Variants in TP63 observed in about 807,000 individuals in gnomAD.
The protein encoded by TP63 is tumor protein p63.
A neutral mutation model predicts 82.8 loss-of-function variants in TP63; 17 were observed. The ratio of observed to expected loss-of-function variants is 0.21; its 90% CI spans 0.14 to 0.31. TP63 has a LOEUF of 0.31. Among genes scored for constraint, TP63 ranks in the 10% least tolerant of loss-of-function variants. TP63 has a pLI of 1.00. For missense variants in TP63, 648 were observed against 895.3 expected (o/e 0.72, Z 3.52); for synonymous variants, 330 against 321.7 (o/e 1.03, Z -0.28).
chr3:189,815,879 A>C (rs1728130839), intron 4 of TP63, among the ~76,000 whole-genome samples: 1 of 152,194 alleles, frequency 6.6e-6, no homozygotes, highest in South Asian at 2.1e-4. Context: ...CATTTAACTA[A>C]GCAATACATT....
chr3:189,769,696 T>A (rs1723194759), intron 3 of TP63, among the ~76,000 whole-genome samples: 1 of 152,196 alleles, frequency 6.6e-6, no homozygotes, highest in Non-Finnish European at 1.5e-5. Context: ...CTGTGCCCAT[T>A]TAGACATTTT....
intron 1 of TP63, among the ~76,000 whole-genome samples, chr3:189,695,504 C>G (rs1287888974): frequency 6.6e-6 from 1 of 152,162 alleles, no homozygotes; most frequent in East Asian, 1.9e-4. Flanking sequence ...AAACCAAGAA[C>G]TGGGCATTAG....
intron 10 of TP63, among the ~76,000 whole-genome samples, chr3:189,882,921 T>G (rs1720079053): frequency 6.6e-6 from 1 of 152,216 alleles, no homozygotes; most frequent in Non-Finnish European, 1.5e-5. Flanking sequence ...GAAATATGAT[T>G]TTCTACATCT....
At chr3:189,754,200 A>T (rs973858496) in intron 3 of TP63, among the ~76,000 whole-genome samples, 1 of 152,082 alleles carries the variant, frequency 6.6e-6, no homozygotes, top group Non-Finnish European at 1.5e-5. Flanking sequence ...CTGGGACCAT[A>T]AACCAGGTCA....
chr3:189,789,699 T>C, intron 3 of TP63: 1 of 1,466,080 alleles, frequency 6.8e-7, no homozygotes, highest in East Asian at 2.7e-5. Flanking sequence ...TTCTGTTATC[T>C]TCTTAAGTAG....
chr3:189,608,334 C>A, the TP63 span, among the ~76,000 whole-genome samples: 2 of 152,034 alleles, frequency 1.3e-5, no homozygotes, highest in South Asian at 2.1e-4. Context: ...TCATTAACTC[C>A]CATCCTCCTA....
chr3:189,667,829 T>C (rs1714535754), intron 1 of TP63, among the ~76,000 whole-genome samples: 1 of 152,156 alleles, frequency 6.6e-6, no homozygotes, highest in Admixed American at 6.5e-5. Context: ...CCCTGGTCCC[T>C]ATAATCTCTG....
intron 1 of TP63, among the ~76,000 whole-genome samples, chr3:189,723,316 C>T (rs1719531286): frequency 6.6e-6 from 1 of 152,080 alleles, no homozygotes; most frequent in African/African-American, 2.4e-5. Flanking sequence ...CCTTAGGAAC[C>T]CAGAGTTACC....
intron 1 of TP63, among the ~76,000 whole-genome samples, chr3:189,633,522 G>T (rs1189747542): frequency 2.0e-5 from 3 of 151,964 alleles, no homozygotes; most frequent in Admixed American, 1.3e-4. Context: ...AAGGATAATG[G>T]CCTCCGGCTC....
At chr3:189,727,577 A>G (rs1203572216) in intron 1 of TP63, among the ~76,000 whole-genome samples, 1 of 152,204 alleles carries the variant, frequency 6.6e-6, no homozygotes, top group East Asian at 1.9e-4. Context: ...TTCTTTTTCC[A>G]TATTTTCTTT....
intron 6 of TP63, 39 bp downstream of exon 6, chr3:189,866,836 ATG>A: frequency 6.6e-7 from 1 of 1,516,460 alleles, no homozygotes; most frequent in Non-Finnish European, 9.2e-7. Flanking sequence ...CAACACCTCT[ATG>A]GACTGAGTAG....
chr3:189,825,075 T>C (rs992938243), intron 4 of TP63, among the ~76,000 whole-genome samples: 1 of 152,224 alleles, frequency 6.6e-6, no homozygotes, highest in African/African-American at 2.4e-5. Flanking sequence ...AAATGGTGTG[T>C]TTGGGAGATG....
chr3:189,761,145 C>T (rs1324427070), intron 3 of TP63, among the ~76,000 whole-genome samples: 3 of 152,186 alleles, frequency 2.0e-5, no homozygotes, highest in African/African-American at 7.2e-5. Context: ...AAACATTTTC[C>T]CCATTGTCTT....
intron 1 of TP63, among the ~76,000 whole-genome samples, chr3:189,671,695 T>C (rs978679956): frequency 6.6e-6 from 1 of 152,076 alleles, no homozygotes; most frequent in Non-Finnish European, 1.5e-5. Context: ...CACAATGGAA[T>C]ACTATTCAGC....
In TP63 at chr3:189,866,771, G is replaced by A. The variant is rs1490449010; in HGVS notation, c.856G>A (p.Val286Met). Residue 286 changes from valine to methionine, a missense_variant, in exon 6 of 14, where the codon GTG becomes ATG. Transcript: ENST00000264731. ...VEDPITGRQS[V>M]LVPYEPPQVG... ...AGATCCCATCACAGGAAGACAGAGT[G>A]TGCTGGTACCTTATGAGCCACCCCA... 2 of 1,614,044 alleles carry A rather than the reference G, an allele frequency of 1.2e-6. No individual in the cohort carries two copies. The highest frequency in any genetic ancestry group is 2.2e-5 in the East Asian group (1 of 44,860).
intron 1 of TP63, among the ~76,000 whole-genome samples, chr3:189,694,851 C>T (rs1717241527): frequency 9.9e-6 from 1 of 101,358 alleles, no homozygotes; most frequent in African/African-American, 3.8e-5. Flanking sequence ...TGTCTCCTAG[C>T]CTGGAGTGCA....
upstream of TP63, among the ~76,000 whole-genome samples, chr3:189,628,058 G>A (rs181529590): frequency 3.2e-3 from 485 of 152,222 alleles, 1 homozygote; most frequent in Non-Finnish European, 4.4e-3. Context: ...TAGCAAGCCT[G>A]CCCTCAAGCT....
chr3:189,789,762 GAAGA>G, intron 3 of TP63: 1 of 1,572,026 alleles, frequency 6.4e-7, no homozygotes, highest in East Asian at 2.4e-5. Context: ...CCTGGAGCCA[GAAGA>G]AAGGACAGCA....
intron 3 of TP63, among the ~76,000 whole-genome samples, chr3:189,746,473 A>G (rs1254005187): frequency 6.6e-6 from 1 of 152,122 alleles, no homozygotes; most frequent in Non-Finnish European, 1.5e-5. Flanking sequence ...ACATAAAAAT[A>G]TAAACAACAC....
Sources: allele counts gnomAD v4.1 joint callset (sites outside exome capture counted in the v4.1 genomes callset), GRCh38; gene constraint gnomAD v4.1.1; transcripts MANE v1.5; gene names NCBI Gene and HGNC (gene_info 2026-07-23, HGNC 2026-07-21).